The following AOPEP variants were observed in gnomAD, a reference collection of about 807,000 sequenced individuals.
AOPEP encodes aminopeptidase O (putative).
AOPEP carries 77 observed loss-of-function variants against 98.1 expected under a neutral mutation model. The ratio of observed to expected loss-of-function variants is 0.78; its 90% CI spans 0.65 to 0.95. AOPEP has a LOEUF of 0.95. Among genes scored for constraint, AOPEP ranks in the 40% least tolerant of loss-of-function variants. The pLI is 0.00. For synonymous variants in AOPEP, 346 were observed against 365.3 expected (o/e 0.95, Z 0.60); for missense variants, 1,024 against 1,024.7 (o/e 1.00, Z 0.01).
At chr9:95,124,466 G>A in the AOPEP span, among the ~76,000 whole-genome samples, 1 of 152,282 alleles carries the variant, frequency 6.6e-6, no homozygotes, top group East Asian at 1.9e-4. Context: ...TGCTGGGGAC[G>A]TGGAGCACAA....
chr9:94,899,179 CTTTTTTTTTT>C (rs1164742981), intron 5 of AOPEP, among the ~76,000 whole-genome samples: 16 of 59,732 alleles, frequency 2.7e-4, no homozygotes, highest in African/African-American at 8.2e-4. Context: ...TCTTCATTTG[CTTTTTTTTTT>C]TTTTTTTTTT....
chr9:94,834,263 A>G (rs1199853389), intron 5 of AOPEP, among the ~76,000 whole-genome samples: 2 of 152,224 alleles, frequency 1.3e-5, no homozygotes, highest in African/African-American at 4.8e-5. Context: ...TTTCTTCAAA[A>G]GATACATTGC....
At chr9:94,984,825 C>A (rs934828669) in intron 11 of AOPEP, among the ~76,000 whole-genome samples, 1 of 152,134 alleles carries the variant, frequency 6.6e-6, no homozygotes, top group Non-Finnish European at 1.5e-5. Flanking sequence ...TGAGTGAAAT[C>A]GTCTGTATTT....
intron 5 of AOPEP, among the ~76,000 whole-genome samples, chr9:94,858,675 T>G (rs1017851808): frequency 6.6e-6 from 1 of 152,200 alleles, no homozygotes; most frequent in African/African-American, 2.4e-5. Flanking sequence ...TGTGATGGGA[T>G]TAGGAGGTGG....
chr9:94,728,183 C>T (rs2131595788), intron 1 of AOPEP, among the ~76,000 whole-genome samples: 1 of 151,452 alleles, frequency 6.6e-6, no homozygotes, highest in Middle Eastern at 3.4e-3. Flanking sequence ...TTCCCATATT[C>T]CTGGAGTTAA....
chr9:95,063,129 C>T (rs1178554875), intron 14 of AOPEP, among the ~76,000 whole-genome samples: 1 of 152,114 alleles, frequency 6.6e-6, no homozygotes, highest in Non-Finnish European at 1.5e-5. Context: ...GAAAATGAGC[C>T]GAAGGGAAAT....
intron 11 of AOPEP, among the ~76,000 whole-genome samples, chr9:95,001,198 A>C (rs2132580594): frequency 6.6e-6 from 1 of 152,322 alleles, no homozygotes; most frequent in Non-Finnish European, 1.5e-5. Context: ...GTCTAAGAAA[A>C]GGAAGAAAAC....
chr9:94,953,264 G>A (rs1270298336), intron 7 of AOPEP, among the ~76,000 whole-genome samples: 1 of 152,204 alleles, frequency 6.6e-6, no homozygotes, highest in East Asian at 1.9e-4. Flanking sequence ...AGTCTTAAAT[G>A]AAGATGAAAT....
At chr9:95,074,904 T>G (rs1274662614) in intron 14 of AOPEP, among the ~76,000 whole-genome samples, 1 of 152,220 alleles carries the variant, frequency 6.6e-6, no homozygotes, top group Non-Finnish European at 1.5e-5. Flanking sequence ...GAGCACATCC[T>G]TGATAGGTGA....
At chr9:95,096,134 G>A in the AOPEP span, among the ~76,000 whole-genome samples, 1 of 152,210 alleles carries the variant, frequency 6.6e-6, no homozygotes, top group African/African-American at 2.4e-5. Flanking sequence ...CGCTGGGAAA[G>A]GCAGAGGGCT....
chr9:94,859,069 A>T (rs920466568), intron 5 of AOPEP, among the ~76,000 whole-genome samples: 12 of 151,228 alleles, frequency 7.9e-5, no homozygotes, highest in Admixed American at 7.2e-4. Context: ...CAGTGAGCTG[A>T]CTGTGCCACT....
intron 5 of AOPEP, among the ~76,000 whole-genome samples, chr9:94,820,952 A>G (rs1423796265): frequency 6.6e-6 from 1 of 152,210 alleles, no homozygotes; most frequent in Non-Finnish European, 1.5e-5. Flanking sequence ...GGAAGCCGTA[A>G]TGACTCCTTT....
intron 1 of AOPEP, among the ~76,000 whole-genome samples, chr9:94,729,069 GTC>G (rs1410952707): frequency 2.6e-5 from 4 of 152,182 alleles, no homozygotes; most frequent in Non-Finnish European, 4.4e-5. Context: ...CAAAGTTGGA[GTC>G]TATGAATATC....
intron 9 of AOPEP, among the ~76,000 whole-genome samples, chr9:94,960,903 T>C (rs1411713761): frequency 2.0e-5 from 3 of 151,410 alleles, no homozygotes; most frequent in Admixed American, 6.6e-5. Context: ...TCCCAGCTAC[T>C]CGGGAGGCTG....
At chr9:94,731,958 T>C (rs1292543357) in intron 1 of AOPEP, among the ~76,000 whole-genome samples, 1 of 152,070 alleles carries the variant, frequency 6.6e-6, no homozygotes, top group Non-Finnish European at 1.5e-5. Context: ...CTAATTTTTG[T>C]ATTTTTAGTA....
chr9:94,925,399 A>G (rs1279548882), intron 6 of AOPEP, among the ~76,000 whole-genome samples: 2 of 152,118 alleles, frequency 1.3e-5, no homozygotes, highest in Admixed American at 6.5e-5. Flanking sequence ...CCTGCATGAT[A>G]TTGTTCAAGG....
chr9:94,979,108 C>G (rs1252956185), intron 10 of AOPEP, among the ~76,000 whole-genome samples: 1 of 152,160 alleles, frequency 6.6e-6, no homozygotes, highest in Non-Finnish European at 1.5e-5. Flanking sequence ...TAGTTCCTTT[C>G]AAAGCACTGA....
intron 11 of AOPEP, among the ~76,000 whole-genome samples, chr9:94,981,999 A>G (rs1394665086): frequency 6.6e-6 from 1 of 152,234 alleles, no homozygotes; most frequent in African/African-American, 2.4e-5. Flanking sequence ...AAAAGTGAGC[A>G]TGAGCCCTGA....
chr9:95,096,526 G>A, the AOPEP span, among the ~76,000 whole-genome samples: 2 of 152,192 alleles, frequency 1.3e-5, no homozygotes, highest in Non-Finnish European at 2.9e-5. Context: ...AACAGGCGGC[G>A]GGCTCTCCGG....
Sources: gnomAD v4.1 joint callset for allele counts (sites outside exome capture counted in the v4.1 genomes callset) on GRCh38, gnomAD v4.1.1 for gene constraint, MANE v1.5 for transcripts, NCBI Gene and HGNC (gene_info 2026-07-23, HGNC 2026-07-21) for gene names.